FSTL4: variants seen among roughly 807,000 people sequenced by gnomAD.
FSTL4 encodes the protein follistatin-related protein 4.
In FSTL4, 28 loss-of-function variants were observed where a neutral mutation model predicts 78.2. That is an observed-to-expected ratio of 0.36 (90% CI 0.27 to 0.49). The LOEUF is 0.49. Ranked by LOEUF, FSTL4 falls within the 20% of genes least tolerant of loss-of-function variation. FSTL4 has a pLI of 0.98. For synonymous variants in FSTL4, 422 were observed against 440.5 expected (o/e 0.96, Z 0.53); for missense variants, 922 against 1,084.9 (o/e 0.85, Z 2.11).
chr5:133,620,293 A>C, the FSTL4 span, among the ~76,000 whole-genome samples: 1 of 152,236 alleles, frequency 6.6e-6, no homozygotes, highest in Non-Finnish European at 1.5e-5. Flanking sequence ...ACTATTTCCA[A>C]GCACTCTGCA....
intron 3 of FSTL4, among the ~76,000 whole-genome samples, chr5:133,505,495 A>G (rs915067172): frequency 6.6e-6 from 1 of 152,210 alleles, no homozygotes; most frequent in Non-Finnish European, 1.5e-5. Context: ...TTCTCTTCCT[A>G]AAGTCTGATT....
chr5:133,400,759 T>C lies in FSTL4; in HGVS notation c.388A>G (p.Ser130Gly). The C allele has an allele frequency of 6.2e-7, 1 of 1,614,100 alleles. No homozygotes were observed. Among genetic ancestry groups the C allele is most frequent in the Non-Finnish European group, 8.5e-7 (1 of 1,180,014 alleles). Reference sequence around the variant, plus strand: ...CTACCTTTGAGGAAACAGTCCTTGCTGTGGATGACGGTGATCCTCTTTCCC... The same window carrying C: ...CTACCTTTGAGGAAACAGTCCTTGCCGTGGATGACGGTGATCCTCTTTCCC... Reference protein sequence around the residue: ...LLGKRITVIHSKDCFLKGDTC... With the variant: ...LLGKRITVIHGKDCFLKGDTC... The change falls in exon 4 of 16, where the codon AGC becomes GGC. Residue 130 changes from serine (S) to glycine (G), a missense_variant. Ser to Gly is a moderately conservative substitution (Grantham distance 56). Transcript: ENST00000265342.
rs750917171 is a variant in FSTL4 at position 133,220,871 on chromosome 5, G to T, written c.1340-5C>A. 3 of 1,561,872 alleles carry T rather than the reference G, an allele frequency of 1.9e-6. No homozygotes were observed. The highest frequency in any genetic ancestry group is 1.1e-5 in the South Asian group (1 of 90,094). The stretch of plus-strand genomic sequence containing the variant: ...ACATGTTTCCCACGCTGAGGCCTGG[G>T]AGGAGCAAATGGAATGGGCATGCCC... On this transcript the variant is annotated splice_region_variant and splice_polypyrimidine_tract_variant and intron_variant, in intron 11 of 15. Transcript: ENST00000265342.
the FSTL4 span, among the ~76,000 whole-genome samples, chr5:133,634,904 G>T: frequency 6.6e-6 from 1 of 152,136 alleles, no homozygotes; most frequent in African/African-American, 2.4e-5. Flanking sequence ...ACACAATATG[G>T]ATTGGAGAGT....
the FSTL4 span, among the ~76,000 whole-genome samples, chr5:133,830,128 T>G: frequency 1.3e-5 from 2 of 152,188 alleles, no homozygotes; most frequent in Non-Finnish European, 2.9e-5. Flanking sequence ...AGTGGACAAA[T>G]GGGCTAATGA....
At chr5:133,201,719 C>T (rs900875612) in intron 15 of FSTL4, among the ~76,000 whole-genome samples, 1 of 152,186 alleles carries the variant, frequency 6.6e-6, no homozygotes, top group Non-Finnish European at 1.5e-5. Context: ...AGCTGGGTGC[C>T]TTCAGTATAA....
intron 11 of FSTL4, among the ~76,000 whole-genome samples, chr5:133,221,627 C>T (rs1421404986): frequency 2.0e-5 from 3 of 152,120 alleles, no homozygotes; most frequent in Admixed American, 6.5e-5. Flanking sequence ...TGAGGCCACC[C>T]GTCTCTGTGC....
At chr5:133,608,159 A>G (rs1264638831) in intron 1 of FSTL4, among the ~76,000 whole-genome samples, 1 of 152,226 alleles carries the variant, frequency 6.6e-6, no homozygotes, top group Non-Finnish European at 1.5e-5. Flanking sequence ...TTTTAAACCT[A>G]GAGCTCCTTT....
the FSTL4 span, among the ~76,000 whole-genome samples, chr5:133,660,356 C>G: frequency 6.6e-6 from 1 of 152,166 alleles, no homozygotes; most frequent in Non-Finnish European, 1.5e-5. Context: ...CCAGCCCGGT[C>G]CATGGGAATT....
the FSTL4 span, among the ~76,000 whole-genome samples, chr5:133,653,480 C>G: frequency 6.6e-6 from 1 of 152,174 alleles, no homozygotes; most frequent in Non-Finnish European, 1.5e-5. Flanking sequence ...CCTCCCTGCT[C>G]CAACTCAGGC....
intron 3 of FSTL4, among the ~76,000 whole-genome samples, chr5:133,506,257 T>TA (rs763064004): frequency 2.6e-5 from 4 of 152,238 alleles, no homozygotes; most frequent in Non-Finnish European, 4.4e-5. Context: ...TCCCTAACTC[T>TA]AGCTAACACA....
the FSTL4 span, among the ~76,000 whole-genome samples, chr5:133,651,303 G>A: frequency 6.6e-6 from 1 of 152,102 alleles, no homozygotes; most frequent in Non-Finnish European, 1.5e-5. Context: ...GGACATCCTT[G>A]CCTTGTTTAT....
the FSTL4 span, among the ~76,000 whole-genome samples, chr5:133,727,279 C>G: frequency 1.3e-5 from 2 of 152,184 alleles, no homozygotes; most frequent in Admixed American, 1.3e-4. Flanking sequence ...GAAATTCAGA[C>G]AGCTACTTCC....
chr5:133,600,818 A>C (rs1760850125), intron 2 of FSTL4, among the ~76,000 whole-genome samples: 1 of 152,196 alleles, frequency 6.6e-6, no homozygotes, highest in South Asian at 2.1e-4. Context: ...TATTTGTGTG[A>C]AGTACTACTA....
At chr5:133,214,118 A>T (rs1030571394) in intron 13 of FSTL4, among the ~76,000 whole-genome samples, 1 of 152,242 alleles carries the variant, frequency 6.6e-6, no homozygotes, top group Non-Finnish European at 1.5e-5. Context: ...CAGCTGATGG[A>T]CTAAGCAGAC....
intron 8 of FSTL4, among the ~76,000 whole-genome samples, chr5:133,227,483 T>C (rs1450449906): frequency 6.6e-6 from 1 of 152,146 alleles, no homozygotes; most frequent in Non-Finnish European, 1.5e-5. Flanking sequence ...GGGGTTCCCT[T>C]TGAATAGATA....
chr5:133,665,277 T>C, the FSTL4 span, among the ~76,000 whole-genome samples: 10 of 152,324 alleles, frequency 6.6e-5, no homozygotes, highest in African/African-American at 2.2e-4. Context: ...CTTATTCTCA[T>C]CAGGTTTCAA....
At chr5:133,514,005 C>T (rs975258072) in intron 3 of FSTL4, among the ~76,000 whole-genome samples, 1 of 151,840 alleles carries the variant, frequency 6.6e-6, no homozygotes, top group Non-Finnish European at 1.5e-5. Flanking sequence ...GGTGAAACCC[C>T]GTCTCTACTA....
intron 4 of FSTL4, among the ~76,000 whole-genome samples, chr5:133,396,353 G>A (rs929101344): frequency 6.6e-6 from 1 of 152,198 alleles, no homozygotes; most frequent in African/African-American, 2.4e-5. Flanking sequence ...AAGTAAATGA[G>A]GCACAGAAAG....
Sources: allele counts gnomAD v4.1 joint callset (sites outside exome capture counted in the v4.1 genomes callset), GRCh38; gene constraint gnomAD v4.1.1; transcripts MANE v1.5; gene names NCBI Gene and HGNC (gene_info 2026-07-23, HGNC 2026-07-21).